The following CCDC186 variants were observed in gnomAD, a reference collection of about 807,000 sequenced individuals.
The protein encoded by CCDC186 is coiled-coil domain containing 186.
CCDC186 carries 49 observed loss-of-function variants against 113.7 expected under a neutral mutation model. The ratio of observed to expected loss-of-function variants is 0.43; its 90% CI spans 0.34 to 0.55. The LOEUF is 0.55. Among genes scored for constraint, CCDC186 ranks in the 20% least tolerant of loss-of-function variants. CCDC186 has a pLI of 0.02. For missense variants in CCDC186, 890 were observed against 1,011.1 expected (o/e 0.88, Z 1.62); for synonymous variants, 355 against 345.8 (o/e 1.03, Z -0.30).
rs187653840 is a variant in CCDC186 at position 114,167,053 on chromosome 10, G to A, written c.-61-3724C>T. Among the ~76,000 whole-genome samples the A allele has an allele frequency of 6.9e-3, 926 of 135,044 alleles. 3 individuals are homozygous for A. Among genetic ancestry groups the A allele is most frequent in the Middle Eastern group, 0.028 (7 of 250 alleles). The allele number at this position is 135,044 out of a possible 152,430, so 88.6% of individuals were successfully genotyped here. A position where few individuals can be genotyped will look rare whatever the true frequency, so the allele number is the denominator to read the frequency against. On this transcript the variant is annotated intron_variant, in intron 1 of 15. Transcript: ENST00000369287. The stretch of plus-strand genomic sequence containing the variant: ...TTTTTTTTTTTAAAGATGGAGTCTC[G>A]CTCTGTTGCCAAGCTGGAGTGCAAT...
intron 7 of CCDC186, among the ~76,000 whole-genome samples, 154 bp downstream of exon 7, chr10:114,137,032 G>C (rs1202923585): frequency 1.3e-5 from 2 of 152,052 alleles, no homozygotes; most frequent in Admixed American, 6.6e-5. Context: ...CAGGAGAATC[G>C]CTTGTACCCG....
In CCDC186 at chr10:114,162,804, G is replaced by C. The variant is rs149307478; in HGVS notation, c.465C>G (p.Ser155Arg). The C allele has an allele frequency of 6.2e-7, 1 of 1,613,538 alleles. No homozygotes were observed. The highest frequency in any genetic ancestry group is 8.5e-7 in the Non-Finnish European group (1 of 1,179,880). The stretch of plus-strand genomic sequence containing the variant: ...CCAACAAATCCTCTGATGCTGAAAC[G>C]CTCTTTATTTTTGAAATAAATTTCT... ...CTKKFISKIK[S>R]VSASEDLLEE... Residue 155 changes from serine (S) to arginine (R), a missense_variant, in exon 2 of 16, where the codon AGC becomes AGG. Ser to Arg is a moderately radical substitution (Grantham distance 110, BLOSUM62 -1). Coordinates refer to ENST00000369287, the MANE Select transcript of CCDC186 (RefSeq NM_018017.4).
intron 1 of CCDC186, among the ~76,000 whole-genome samples, chr10:114,167,602 T>C (rs1190535380): frequency 6.6e-6 from 1 of 151,434 alleles, no homozygotes; most frequent in African/African-American, 2.4e-5. Flanking sequence ...CTACTAAGGA[T>C]AGAATGGCAA....
chr10:114,146,109 T>C lies in CCDC186; in HGVS notation c.889-348A>G, dbSNP rs546786289. Among the ~76,000 whole-genome samples, 3 of 152,286 alleles carry C rather than the reference T, an allele frequency of 2.0e-5. No homozygotes were observed. The East Asian group carries it at 5.8e-4, about 29-fold the overall frequency. On this transcript the variant is annotated intron_variant, in intron 4 of 15. Coordinates refer to ENST00000369287, the MANE Select transcript of CCDC186 (RefSeq NM_018017.4). ...TCATGAACCCTATCAATAAGCTCTC[T>C]TGCCCTCAAACTTCCAGTTGGGTTC...
intron 12 of CCDC186, chr10:114,130,442 C>G (rs559309096): frequency 6.5e-6 from 1 of 153,178 alleles, no homozygotes; most frequent in African/African-American, 2.4e-5. Flanking sequence ...GGTTGAAATA[C>G]GTGTCTTATT....
chr10:114,125,628 A>G lies in CCDC186; in HGVS notation c.2613+258T>C, dbSNP rs145177740. Among the ~76,000 whole-genome samples the G allele has an allele frequency of 5.9e-5, 9 of 152,362 alleles. No individual in the cohort carries two copies. The East Asian group carries it at 1.7e-3, about 29-fold the overall frequency. On this transcript the variant is annotated intron_variant, in intron 15 of 15. Coordinates refer to ENST00000369287, the MANE Select transcript of CCDC186 (RefSeq NM_018017.4). ...ATTATTTTAGCAATCAAAACTAATT[A>G]TATGTCAAAGCCCATCCAATGCAAA... is the stretch of plus-strand genomic sequence containing the variant.
At chr10:114,164,392 G>A (rs1162049114) in intron 1 of CCDC186, among the ~76,000 whole-genome samples, 1 of 151,934 alleles carries the variant, frequency 6.6e-6, no homozygotes, top group African/African-American at 2.4e-5. Context: ...CAAAGTGCTG[G>A]AATTACAGGG....
intron 4 of CCDC186, among the ~76,000 whole-genome samples, chr10:114,150,219 T>A (rs1400076342): frequency 6.6e-6 from 1 of 152,198 alleles, no homozygotes; most frequent in Non-Finnish European, 1.5e-5. Context: ...TAATTGTTAG[T>A]CAGATACTGT....
At position 114,120,935 on chromosome 10, in the gene CCDC186, C is replaced by T. The variant is rs180999190; in HGVS notation, c.*4208G>A. ...TCCTCTTGAAAAGTTTCATTTTATACAGAAACATATTTACAAGAAACAGTG... is the reference window on the plus strand; with the variant it reads ...TCCTCTTGAAAAGTTTCATTTTATATAGAAACATATTTACAAGAAACAGTG... On this transcript the variant is annotated 3_prime_UTR_variant, in exon 16 of 16. Transcript: ENST00000369287. 6.6e-6 allele frequency: 1 copy of T among 152,110 alleles called. No homozygotes were observed. The highest frequency in any genetic ancestry group is 1.5e-5 in the Non-Finnish European group (1 of 67,984). The allele number at this position is 152,110 out of a possible 1,614,324, so 9.4% of individuals were successfully genotyped here.
intron 4 of CCDC186, among the ~76,000 whole-genome samples, chr10:114,150,748 A>C (rs1277723885): frequency 1.3e-5 from 2 of 152,256 alleles, no homozygotes; most frequent in African/African-American, 2.4e-5. Flanking sequence ...TCCCGGGTTC[A>C]AGTGATTCTC....
At chr10:114,157,195 T>G (rs1467647213) in intron 3 of CCDC186, among the ~76,000 whole-genome samples, 3 of 149,656 alleles carry the variant, frequency 2.0e-5, no homozygotes, top group Non-Finnish European at 4.5e-5. Flanking sequence ...TTTTTTTTTT[T>G]TTTTTTGAGA....
At position 114,136,253 on chromosome 10, in the gene CCDC186, G is replaced by A. The variant is rs1589611934; in HGVS notation, c.1327-7C>T. 1 of 1,598,258 alleles carries A rather than the reference G, an allele frequency of 6.3e-7. No individual in the cohort carries two copies. Reference sequence around the variant, plus strand: ...ATTTAATTTCTTCTGACTCCTAGTGGAAAGAAAACAAAAAAAGTGTGACAA... The same window carrying A: ...ATTTAATTTCTTCTGACTCCTAGTGAAAAGAAAACAAAAAAAGTGTGACAA... On this transcript the variant is annotated splice_polypyrimidine_tract_variant and splice_region_variant and intron_variant, in intron 7 of 15. Transcript: ENST00000369287.
chr10:114,125,062 G>T lies in CCDC186; in HGVS notation c.*81C>A. ...ATTTTTACTGGCTGAAACAAAAAGT[G>T]GAACAAAGTCTCCAACAATAGAGGT... is the stretch of plus-strand genomic sequence containing the variant. On this transcript the variant is annotated 3_prime_UTR_variant, in exon 16 of 16. Coordinates refer to ENST00000369287, the MANE Select transcript of CCDC186 (RefSeq NM_018017.4). 1.0e-6 allele frequency: 1 copy of T among 1,003,544 alleles called. No individual in the cohort carries two copies. The highest frequency in any genetic ancestry group is 1.6e-5 in the South Asian group (1 of 62,778). The allele number at this position is 1,003,544 out of a possible 1,614,324, so 62.2% of individuals were successfully genotyped here.
chr10:114,147,787 G>A (rs2031690863), intron 4 of CCDC186, among the ~76,000 whole-genome samples: 1 of 152,054 alleles, frequency 6.6e-6, no homozygotes, highest in East Asian at 1.9e-4. Flanking sequence ...GAGATAGGGG[G>A]TAGAAAATAA....
At chr10:114,173,925 G>T (rs2032615820) in intron 1 of CCDC186, 90 bp downstream of exon 1, 4 of 424,938 alleles carry the variant, frequency 9.4e-6, no homozygotes, top group South Asian at 6.5e-5. Flanking sequence ...CCCCGCCACG[G>T]AACGTGCAGG....
intron 2 of CCDC186, among the ~76,000 whole-genome samples, chr10:114,158,407 T>C (rs1189778155): frequency 6.6e-6 from 1 of 152,210 alleles, no homozygotes; most frequent in Non-Finnish European, 1.5e-5. Flanking sequence ...CAGCAAGTAC[T>C]CTAGGACTAA....
intron 7 of CCDC186, 83 bp downstream of exon 7, chr10:114,137,103 C>A: frequency 2.9e-6 from 3 of 1,026,470 alleles, no homozygotes; most frequent in Non-Finnish European, 2.9e-6. Flanking sequence ...GGCGACAGAG[C>A]GAGACTCCAT....
chr10:114,162,989 C>G lies in CCDC186; in HGVS notation c.280G>C (p.Ala94Pro). 1.2e-6 allele frequency: 2 copies of G among 1,613,924 alleles called. No homozygotes were observed. The highest frequency in any genetic ancestry group is 2.2e-5 in the East Asian group (1 of 44,874). ...GCAAAATTTCCACTAGGAAAATTAG[C>G]TATTTGTTCAGAATTTTCTGAGCCT... ...DTGSENSEQI[A>P]NFPSGNFAKH... The change falls in exon 2 of 16, where the codon GCT (alanine) becomes CCT (proline). Residue 94 changes from alanine to proline, a missense_variant. Coordinates refer to ENST00000369287, the MANE Select transcript of CCDC186 (RefSeq NM_018017.4).
intron 1 of CCDC186, among the ~76,000 whole-genome samples, chr10:114,164,947 T>C (rs942205617): frequency 3.9e-5 from 6 of 152,224 alleles, no homozygotes; most frequent in Non-Finnish European, 7.3e-5. Context: ...GCAGAGTTTC[T>C]AGCACATAGT....
Sources: allele counts gnomAD v4.1 joint callset (sites outside exome capture counted in the v4.1 genomes callset), GRCh38; gene constraint gnomAD v4.1.1; transcripts MANE v1.5; gene names NCBI Gene and HGNC (gene_info 2026-07-23, HGNC 2026-07-21).